The following TBC1D20 variants were observed in gnomAD, a reference collection of about 807,000 sequenced individuals.
TBC1D20 encodes the protein chromosome 20 open reading frame 140.
Under a neutral mutation model 41.6 loss-of-function variants are expected in TBC1D20, and 12 were observed. The ratio of observed to expected loss-of-function variants is 0.29; its 90% CI spans 0.18 to 0.47. TBC1D20 has a LOEUF of 0.47. Among genes scored for constraint, TBC1D20 ranks in the 20% least tolerant of loss-of-function variants. The probability of loss-of-function intolerance (pLI) is 1.00; values close to 1 mark genes in which losing one functional copy is unlikely to be tolerated. For missense variants in TBC1D20, 421 were observed against 517.4 expected, an observed-to-expected ratio of 0.81 and a Z score of 1.81; for synonymous variants, 205 against 204.8, an observed-to-expected ratio of 1.00 and a Z score of -0.01.
chr20:449,297 A>AAAAAAG (rs2017400401), intron 1 of TBC1D20, among the ~76,000 whole-genome samples: 1 of 147,714 alleles, frequency 6.8e-6, no homozygotes, highest in Non-Finnish European at 1.5e-5. Flanking sequence ...AAAAAAAAAA[A>AAAAAAG]AAAAAAAAGG....
rs774503649 is a variant in TBC1D20, at chr20:440,232, C to T, written c.768+16G>A. 1.4e-5 allele frequency: 22 copies of T among 1,608,600 alleles called. No homozygotes were observed. Among genetic ancestry groups the T allele is most frequent in the South Asian group, 1.0e-4 (9 of 90,316 alleles). The stretch of plus-strand genomic sequence containing the variant: ...GTGATGGTGAACCCAGCTGCTGGCT[C>T]GTGGCCTGTACCTACCACGGCTGCA... On this transcript the variant is annotated intron_variant, in intron 6 of 7. Transcript: ENST00000354200.
chr20:451,828 A>C (rs1463763754), intron 1 of TBC1D20, among the ~76,000 whole-genome samples: 1 of 152,150 alleles, frequency 6.6e-6, no homozygotes, highest in Non-Finnish European at 1.5e-5. Context: ...TAGTTTAAAT[A>C]AATCAATAAA....
Position 447,944 on chromosome 20 carries a change from T to C in TBC1D20, c.201A>G (p.Arg67=), listed in dbSNP as rs765347482. Residue 67 remains arginine, a synonymous_variant, in exon 2 of 8, where the codon CGA becomes CGG. Coordinates refer to ENST00000354200, the MANE Select transcript of TBC1D20 (RefSeq NM_144628.4). ...EGGLLTDEIR[R]KVWPKLLNVN... is the part of the protein sequence containing the mutation. The stretch of plus-strand genomic sequence containing the variant: ...CATTGAGGAGCTTGGGCCACACTTT[T>C]CGTCTGATCTCATCAGTCAGGAGCC... 2 of 1,614,166 alleles carry C rather than the reference T, an allele frequency of 1.2e-6. No homozygotes were observed. Among genetic ancestry groups the C allele is most frequent in the South Asian group, 2.2e-5 (2 of 91,084 alleles).
chr20:440,650 G>A (rs1224913051), intron 5 of TBC1D20: 5 of 384,004 alleles, frequency 1.3e-5, no homozygotes, highest in Admixed American at 4.3e-5. Flanking sequence ...TCAACTACAG[G>A]AACGAGAAGC....
intron 1 of TBC1D20, among the ~76,000 whole-genome samples, chr20:456,563 T>C (rs185480524): frequency 6.8e-6 from 1 of 146,022 alleles, no homozygotes; most frequent in Non-Finnish European, 1.5e-5. Context: ...ATGACTTTTT[T>C]TCTTCTTCTT....
At chr20:453,078 G>A (rs541975387) in intron 1 of TBC1D20, among the ~76,000 whole-genome samples, 6 of 142,206 alleles carry the variant, frequency 4.2e-5, no homozygotes, top group Admixed American at 3.8e-4. Context: ...CCCAGGGGGC[G>A]GAGATTGAGG....
Position 462,526 on chromosome 20 carries a change from C to CGGCGCGCA in TBC1D20, c.-122_-121insTGCGCGCC, listed in dbSNP as rs1053658528. The CGGCGCGCA allele has an allele frequency of 3.5e-5, 17 of 487,028 alleles. No individual in the cohort carries two copies. Among genetic ancestry groups the CGGCGCGCA allele is most frequent in the South Asian group, 2.8e-4 (3 of 10,902 alleles). 30.2% of individuals were successfully genotyped at this position (487,028 alleles called of 1,614,324 possible). Reference sequence around the variant, plus strand: ...CGGCAGGCTCCCCTCCGTCGGCCAGCGGCGCGCAGGCGCGCAGGCGCCCCG... The same window carrying CGGCGCGCA: ...CGGCAGGCTCCCCTCCGTCGGCCAGCGGCGCGCAGGCGCGCAGGCGCGCAGGCGCCCCG... On this transcript the variant is annotated 5_prime_UTR_variant, in exon 1 of 8. Transcript: ENST00000354200.
chr20:461,987 C>T (rs1217033519), intron 1 of TBC1D20, among the ~76,000 whole-genome samples: 1 of 152,206 alleles, frequency 6.6e-6, no homozygotes, highest in African/African-American at 2.4e-5. Context: ...GCGGACGTGG[C>T]GGACGCCTGG....
rs765218095 is a variant in TBC1D20 at position 438,859 on chromosome 20, G to A, written c.957-18C>T. ...CTGCCGTCCTGCAGGGGAAAGAGACGGAAGGAAGGAAGTGGTATGAAAGAG... is the reference window on the plus strand; with the variant it reads ...CTGCCGTCCTGCAGGGGAAAGAGACAGAAGGAAGGAAGTGGTATGAAAGAG... On this transcript the variant is annotated intron_variant, in intron 7 of 7. Coordinates refer to ENST00000354200, the MANE Select transcript of TBC1D20 (RefSeq NM_144628.4). The A allele has an allele frequency of 1.5e-5, 24 of 1,609,524 alleles. 1 individual carries two copies. Among genetic ancestry groups the A allele is most frequent in the South Asian group, 7.7e-5 (7 of 90,984 alleles).
chr20:442,960 C>T (rs1046003326), intron 3 of TBC1D20, among the ~76,000 whole-genome samples: 2 of 151,974 alleles, frequency 1.3e-5, no homozygotes, highest in Non-Finnish European at 2.9e-5. Context: ...ATTAGCTGGG[C>T]GTGGTGGCAG....
chr20:458,148 A>C (rs956309226), intron 1 of TBC1D20, among the ~76,000 whole-genome samples: 2 of 152,142 alleles, frequency 1.3e-5, no homozygotes, highest in Non-Finnish European at 2.9e-5. Context: ...GCTATTCGGC[A>C]ATCTGGGAGA....
intron 2 of TBC1D20, 50 bp from the exon 3 acceptor site, chr20:445,180 C>T (rs753812032): frequency 3.5e-5 from 50 of 1,439,370 alleles, no homozygotes; most frequent in Non-Finnish European, 2.9e-6. Context: ...GAAGCCAGAC[C>T]AGAAGCAAAA....
At chr20:454,266 T>C (rs1339674562) in intron 1 of TBC1D20, among the ~76,000 whole-genome samples, 1 of 139,644 alleles carries the variant, frequency 7.2e-6, no homozygotes, top group South Asian at 2.4e-4. Flanking sequence ...AGAAAGAACA[T>C]GGATTCACCT....
At position 452,412 on chromosome 20, in the gene TBC1D20, T is replaced by G. The variant is rs570363493; in HGVS notation, c.71-4338A>C. The stretch of plus-strand genomic sequence containing the variant: ...GGAGGGCCAAGGTGTGAGAATCACT[T>G]GAGTCCACAAAATCGAGAACAGCCT... On this transcript the variant is annotated intron_variant, in intron 1 of 7. Coordinates refer to ENST00000354200, the MANE Select transcript of TBC1D20 (RefSeq NM_144628.4). Among the ~76,000 whole-genome samples, 18 of 152,312 alleles carry G rather than the reference T, an allele frequency of 1.2e-4. No homozygotes were observed. The South Asian group carries it at 2.7e-3, about 23-fold the overall frequency.
At chr20:444,339 G>A (rs1293815832) in intron 3 of TBC1D20, among the ~76,000 whole-genome samples, 1 of 152,192 alleles carries the variant, frequency 6.6e-6, no homozygotes, top group Non-Finnish European at 1.5e-5. Flanking sequence ...CCAGAGCACA[G>A]TGCAGAAGAG....
chr20:438,904 C>T (rs116990382), intron 7 of TBC1D20, 63 bp from the exon 8 acceptor site: 13 of 1,589,820 alleles, frequency 8.2e-6, no homozygotes, highest in East Asian at 4.5e-5. Flanking sequence ...AGCAAAACTA[C>T]ACCACATAGG....
intron 1 of TBC1D20, among the ~76,000 whole-genome samples, chr20:456,190 A>G (rs945255210): frequency 6.6e-6 from 1 of 152,040 alleles, no homozygotes; most frequent in Non-Finnish European, 1.5e-5. Flanking sequence ...GGTTGTAGTG[A>G]GGCATGATTG....
chr20:447,737 A>G (rs2017362889), intron 2 of TBC1D20, 152 bp downstream of exon 2: 1 of 501,362 alleles, frequency 2.0e-6, no homozygotes. Context: ...GTTTGGCCTT[A>G]TTTTCAGAGT....
At position 439,235 on chromosome 20, in the gene TBC1D20, G is replaced by C. The variant is rs778319669; in HGVS notation, c.829C>G (p.His277Asp). ...TCCTGAGGGATCTGGGACAACAGGT[G>C]GTGGACCGAGGCCATGTCACAGTCA... is the stretch of plus-strand genomic sequence containing the variant. ...DCDCDMASVHHLLSQIPQDLP... is the reference protein window; with the variant it reads ...DCDCDMASVHDLLSQIPQDLP... Residue 277 changes from histidine (H) to aspartate (D), a missense_variant, in exon 7 of 8, where the codon CAC becomes GAC. By Grantham distance (81) the His-to-Asp change is moderately conservative (BLOSUM62 -1). Coordinates refer to ENST00000354200, the MANE Select transcript of TBC1D20 (RefSeq NM_144628.4). This position sits in a 1 kb window ranked among gnomAD's most constrained non-coding sequence, Gnocchi z 4.6. 1 of 1,614,056 alleles carries C rather than the reference G, an allele frequency of 6.2e-7. No homozygotes were observed. The highest frequency in any genetic ancestry group is 8.5e-7 in the Non-Finnish European group (1 of 1,180,004).
Sources: gnomAD v4.1 joint callset for allele counts (sites outside exome capture counted in the v4.1 genomes callset) on GRCh38, gnomAD v4.1.1 for gene constraint, Gnocchi (gnomAD v3.1) non-coding constraint, MANE v1.5 for transcripts, NCBI Gene and HGNC (gene_info 2026-07-23, HGNC 2026-07-21) for gene names.